The following PRKN variants were observed in gnomAD, a reference collection of about 807,000 sequenced individuals.
The protein encoded by PRKN is parkin RBR E3 ubiquitin protein ligase.
Under a neutral mutation model 59.5 loss-of-function variants are expected in PRKN, and 56 were observed. The observed-to-expected ratio is 0.94, with a 90% CI of 0.76 to 1.18. PRKN has a LOEUF of 1.18. Ranked by LOEUF, PRKN falls within the 50% of genes most tolerant of loss-of-function variation. The probability of loss-of-function intolerance (pLI) is 0.00; values close to 1 mark genes in which losing one functional copy is unlikely to be tolerated. For synonymous variants in PRKN, 250 were observed against 222.1 expected (o/e 1.13, Z -1.12); for missense variants, 657 against 596.4 (o/e 1.10, Z -1.06).
In PRKN at chr6:161,785,820, G is replaced by T. The variant is rs34424986; in HGVS notation, c.823C>A (p.Arg275=). The T allele has an allele frequency of 3.7e-6, 6 of 1,613,916 alleles. No homozygotes were observed. The Admixed American group carries it at 5.0e-5, about 13-fold the overall frequency. Residue 275 remains arginine (R), a synonymous_variant, in exon 7 of 12, where the codon CGG becomes AGG. Coordinates refer to ENST00000366898, the MANE Select transcript of PRKN (RefSeq NM_004562.3). ...HLYCVTRLND[R]QFVHDPQLGY... ...AGTTGAGGGTCGTGAACAAACTGCC[G>T]ATCATTGAGTCTTGTCACACAGTAT...
intron 5 of PRKN, among the ~76,000 whole-genome samples, chr6:161,985,190 C>T (rs946021385): frequency 6.6e-6 from 1 of 152,116 alleles, no homozygotes; most frequent in Non-Finnish European, 1.5e-5. Context: ...TGTAGCCTAG[C>T]CCGACAATAA....
intron 1 of PRKN, among the ~76,000 whole-genome samples, chr6:162,576,897 G>A (rs1029548964): frequency 4.5e-4 from 68 of 151,572 alleles, no homozygotes; most frequent in African/African-American, 1.4e-3. Context: ...TGCCCCTCAC[G>A]GCATCTTAGT....
chr6:161,850,725 T>C (rs1156304850), intron 6 of PRKN, among the ~76,000 whole-genome samples: 1 of 152,202 alleles, frequency 6.6e-6, no homozygotes, highest in Non-Finnish European at 1.5e-5. Flanking sequence ...AGGAATGTGT[T>C]GAAAGCTCAT....
chr6:162,531,483 C>T (rs1336569649), intron 1 of PRKN, among the ~76,000 whole-genome samples: 1 of 152,062 alleles, frequency 6.6e-6, no homozygotes, highest in Non-Finnish European at 1.5e-5. Context: ...TGGGGGGAAG[C>T]CAGTGAGCCA....
In PRKN at chr6:161,353,918, A is replaced by G. The variant is rs370022310; in HGVS notation, c.1286-3707T>C. On this transcript the variant is annotated intron_variant, in intron 11 of 11. Coordinates refer to ENST00000366898, the MANE Select transcript of PRKN (RefSeq NM_004562.3). The surrounding 1 kb of genome is among the most constrained non-coding windows in gnomAD (Gnocchi z 4.8). ...ATTGCTTGCTTGGTGCGTGGGGAAA[A>G]ACCCCCGCACATTCCGTCACAGAAG... Among the ~76,000 whole-genome samples, 27 of 152,236 alleles carry G rather than the reference A, an allele frequency of 1.8e-4. No homozygotes were observed. In the East Asian group the frequency reaches 4.8e-3, roughly 27 times the overall value.
chr6:162,133,419 T>TG (rs1781450749), intron 4 of PRKN, among the ~76,000 whole-genome samples: 1 of 152,164 alleles, frequency 6.6e-6, no homozygotes, highest in Non-Finnish European at 1.5e-5. Context: ...TGCTGTGCTC[T>TG]GGGGTAATGG....
At position 161,545,102 on chromosome 6, in the gene PRKN, A is replaced by G; in HGVS notation, c.1083+3752T>C. 8.3e-7 allele frequency: 1 copy of G among 1,211,182 alleles called. No homozygotes were observed. The highest frequency in any genetic ancestry group is 1.0e-6 in the Non-Finnish European group (1 of 962,758). The allele number at this position is 1,211,182 out of a possible 1,614,324, so 75.0% of individuals were successfully genotyped here. Reference sequence around the variant, plus strand: ...CTCCGAACAATTTTAAATCCCACAAATGACAGAGAATTTGGTTTTCAACTT... The same window carrying G: ...CTCCGAACAATTTTAAATCCCACAAGTGACAGAGAATTTGGTTTTCAACTT... On this transcript the variant is annotated intron_variant, in intron 9 of 11. Coordinates refer to ENST00000366898, the MANE Select transcript of PRKN (RefSeq NM_004562.3). The surrounding 1 kb of genome is among the most constrained non-coding windows in gnomAD (Gnocchi z 4.1).
chr6:162,455,566 T>A (rs1265907132), intron 1 of PRKN, among the ~76,000 whole-genome samples: 1 of 152,110 alleles, frequency 6.6e-6, no homozygotes. Context: ...GGGACCACCA[T>A]CATATATGTG....
chr6:161,888,106 T>C (rs913188984), intron 6 of PRKN, among the ~76,000 whole-genome samples: 1 of 152,212 alleles, frequency 6.6e-6, no homozygotes, highest in Non-Finnish European at 1.5e-5. Context: ...TTGACATCAA[T>C]GGAGAAATTT....
chr6:161,857,973 C>T (rs1793725192), intron 6 of PRKN, among the ~76,000 whole-genome samples: 2 of 152,168 alleles, frequency 1.3e-5, no homozygotes, highest in South Asian at 4.1e-4. Context: ...GGTGCAAAGA[C>T]ACTCAGTAGA....
chr6:161,883,059 A>G (rs1795002103), intron 6 of PRKN, among the ~76,000 whole-genome samples: 1 of 152,078 alleles, frequency 6.6e-6, no homozygotes, highest in Non-Finnish European at 1.5e-5. Flanking sequence ...AACTCCAGGT[A>G]GGTATTTTTT....
intron 2 of PRKN, among the ~76,000 whole-genome samples, chr6:162,283,715 T>A (rs1205809107): frequency 1.3e-5 from 2 of 152,168 alleles, no homozygotes; most frequent in Non-Finnish European, 2.9e-5. Flanking sequence ...GAGACAGGGT[T>A]TCGCCATATT....
intron 1 of PRKN, among the ~76,000 whole-genome samples, chr6:162,703,288 C>T (rs895033425): frequency 1.8e-4 from 27 of 152,230 alleles, no homozygotes; most frequent in African/African-American, 5.5e-4. Flanking sequence ...TCCATTTTAA[C>T]GAAAACTTTT....
chr6:161,963,358 T>C (rs532323229), intron 6 of PRKN, among the ~76,000 whole-genome samples: 5 of 152,350 alleles, frequency 3.3e-5, no homozygotes, highest in African/African-American at 9.6e-5. Flanking sequence ...AAGAATTTCA[T>C]GCACAAGCAC....
intron 2 of PRKN, among the ~76,000 whole-genome samples, chr6:162,295,425 A>G (rs1482261343): frequency 2.0e-5 from 3 of 152,174 alleles, no homozygotes; most frequent in African/African-American, 4.8e-5. Context: ...TGACATGGCT[A>G]CACACAGGCC....
rs185722826 is a variant in PRKN at position 161,863,864 on chromosome 6, G to A, written c.735-77956C>T. 7.4e-3 allele frequency among the ~76,000 whole-genome samples: 1,131 copies of A among 152,278 alleles called. 16 individuals are homozygous for A. The highest frequency in any genetic ancestry group is 7.4e-3 in the Non-Finnish European group (502 of 68,026). On this transcript the variant is annotated intron_variant, in intron 6 of 11. Coordinates refer to ENST00000366898, the MANE Select transcript of PRKN (RefSeq NM_004562.3). ...TTTTGGTTTCCCAGTGCATATAAAAGCCATGTTTATACTATGCCATAGTCA... is the reference window on the plus strand; with the variant it reads ...TTTTGGTTTCCCAGTGCATATAAAAACCATGTTTATACTATGCCATAGTCA...
At chr6:161,933,261 A>C (rs1182404352) in intron 6 of PRKN, among the ~76,000 whole-genome samples, 2 of 152,202 alleles carry the variant, frequency 1.3e-5, no homozygotes, top group African/African-American at 4.8e-5. Flanking sequence ...CCTGGGTGAC[A>C]GAGCGAGACT....
rs146209842 is a variant in PRKN, at chr6:161,783,078, G to A, written c.871+2694C>T. On this transcript the variant is annotated intron_variant, in intron 7 of 11. Transcript: ENST00000366898. ...ATAATCACACTTAGGTGATGGTGTCGATACTGTAATACTGATACTGTTGTG... is the reference window on the plus strand; with the variant it reads ...ATAATCACACTTAGGTGATGGTGTCAATACTGTAATACTGATACTGTTGTG... 4.6e-3 allele frequency among the ~76,000 whole-genome samples: 705 copies of A among 152,158 alleles called. 6 individuals are homozygous for A. Among genetic ancestry groups the A allele is most frequent in the African/African-American group, 0.016 (660 of 41,502 alleles).
intron 9 of PRKN, among the ~76,000 whole-genome samples, chr6:161,486,666 G>A (rs1052321590): frequency 2.0e-5 from 3 of 152,068 alleles, no homozygotes; most frequent in African/African-American, 7.2e-5. Flanking sequence ...AAAACCTTAG[G>A]GATGCTATTA....
Sources: gnomAD v4.1 joint callset for allele counts (sites outside exome capture counted in the v4.1 genomes callset) on GRCh38, gnomAD v4.1.1 for gene constraint, Gnocchi (gnomAD v3.1) non-coding constraint, MANE v1.5 for transcripts, NCBI Gene and HGNC (gene_info 2026-07-23, HGNC 2026-07-21) for gene names.